Variants in BRSK2 observed in about 807,000 individuals in gnomAD.
BRSK2 encodes serine/threonine-protein kinase BRSK2.
Under a neutral mutation model 83.3 loss-of-function variants are expected in BRSK2, and 19 were observed. That is an observed-to-expected ratio of 0.23 (90% CI 0.16 to 0.33). BRSK2 has a LOEUF of 0.33. Among genes scored for constraint, BRSK2 ranks in the 10% least tolerant of loss-of-function variants. BRSK2 has a pLI of 1.00. For missense variants in BRSK2, 798 were observed against 1,042.3 expected (o/e 0.77, Z 3.23); for synonymous variants, 519 against 435.4 (o/e 1.19, Z -2.39).
chr11:1,392,493 G>A (rs900872278), intron 1 of BRSK2, among the ~76,000 whole-genome samples: 8 of 152,210 alleles, frequency 5.3e-5, no homozygotes, highest in Non-Finnish European at 8.8e-5. Flanking sequence ...GACCTTGGAA[G>A]GAGGAGCTGC....
At chr11:1,455,437 A>G (rs529649909) in intron 16 of BRSK2, among the ~76,000 whole-genome samples, 65 of 151,908 alleles carry the variant, frequency 4.3e-4, no homozygotes, top group Admixed American at 1.4e-3. Context: ...TCGCTTCGGC[A>G]GCCTCTCTAG....
At chr11:1,459,086 A>G in intron 18 of BRSK2, 106 bp from the exon 19 acceptor site, 2 of 657,328 alleles carry the variant, frequency 3.0e-6, no homozygotes, top group Non-Finnish European at 4.1e-6. Context: ...GGCCCTACCC[A>G]CTCCTGGCTC....
intron 19 of BRSK2, among the ~76,000 whole-genome samples, chr11:1,459,806 CCCAGCCTG>C: frequency 6.6e-6 from 1 of 152,306 alleles, no homozygotes; most frequent in East Asian, 1.9e-4. Context: ...CCCCCAGCCC[CCCAGCCTG>C]CCTCCCACAT....
At chr11:1,434,712 G>A (rs1161114182) in intron 1 of BRSK2, among the ~76,000 whole-genome samples, 3 of 134,292 alleles carry the variant, frequency 2.2e-5, no homozygotes, top group Admixed American at 1.4e-4. Flanking sequence ...TGGGGTCCCC[G>A]TGATAACCTG....
rs1850640093 is a variant in BRSK2, at chr11:1,438,473, G to A, written c.272+82G>A. ...GGGGTGGGTGTCTGGGGCTTGGGGA[G>A]CACAGGGGCTGGAGGCCAGGGGCGC... is the stretch of plus-strand genomic sequence containing the variant. On this transcript the variant is annotated intron_variant, in intron 3 of 19. Coordinates refer to ENST00000528841, the MANE Select transcript of BRSK2 (RefSeq NM_001256627.2). The surrounding 1 kb of genome is among the most constrained non-coding windows in gnomAD (Gnocchi z 6.4). 2 of 1,339,752 alleles carry A rather than the reference G, an allele frequency of 1.5e-6. No homozygotes were observed. The highest frequency in any genetic ancestry group is 1.1e-6 in the Non-Finnish European group (1 of 942,216). The allele number at this position is 1,339,752 out of a possible 1,614,324, so 83.0% of individuals were successfully genotyped here.
At chr11:1,460,387 T>G in intron 19 of BRSK2, 113 bp from the exon 20 acceptor site, 17 of 928,382 alleles carry the variant, frequency 1.8e-5, no homozygotes, top group Non-Finnish European at 1.9e-5. Flanking sequence ...GCCTCTTCGT[T>G]CATTTGTTTG....
chr11:1,456,129 G>A (rs1846500331), intron 16 of BRSK2, among the ~76,000 whole-genome samples: 1 of 152,160 alleles, frequency 6.6e-6, no homozygotes, highest in African/African-American at 2.4e-5. Context: ...GCTTAGCTGT[G>A]CCCGCTAAGT....
rs775667249 is a variant in BRSK2, at chr11:1,411,223, C to T, written c.91+20848C>T. The T allele has an allele frequency of 1.5e-4, 184 of 1,255,892 alleles. 1 individual carries two copies. The highest frequency in any genetic ancestry group is 1.2e-3 in the Admixed American group (30 of 24,618). The allele number at this position is 1,255,892 out of a possible 1,614,324, so 77.8% of individuals were successfully genotyped here. ...TGCTGAGGGGAGAGCGGGTTCTGGA[C>T]GTGCTCTGAGCTTCCTTCCTCACAG... On this transcript the variant is annotated intron_variant, in intron 1 of 19. Coordinates refer to ENST00000528841, the MANE Select transcript of BRSK2 (RefSeq NM_001256627.2).
chr11:1,413,210 C>T (rs1325276313), intron 1 of BRSK2, among the ~76,000 whole-genome samples: 1 of 152,114 alleles, frequency 6.6e-6, no homozygotes, highest in African/African-American at 2.4e-5. Context: ...TTCTGCCTCC[C>T]AGACGGCCCC....
At chr11:1,392,536 T>TCAGTGG (rs1160459655) in intron 1 of BRSK2, among the ~76,000 whole-genome samples, 1 of 152,076 alleles carries the variant, frequency 6.6e-6, no homozygotes. Flanking sequence ...AGGGAGGTGG[T>TCAGTGG]CAGTGGCAGT....
intron 1 of BRSK2, among the ~76,000 whole-genome samples, chr11:1,401,341 G>A (rs1041216438): frequency 3.9e-5 from 6 of 152,252 alleles, no homozygotes; most frequent in African/African-American, 1.4e-4. Context: ...CACGCCCGGG[G>A]TGCGGGTGCC....
In BRSK2 at chr11:1,390,182, C is replaced by T; in HGVS notation, c.-103C>T. 1.9e-6 allele frequency: 1 copy of T among 522,020 alleles called. No homozygotes were observed. The highest frequency in any genetic ancestry group is 7.8e-5 in the South Asian group (1 of 12,796). The allele number at this position is 522,020 out of a possible 1,614,324, so 32.3% of individuals were successfully genotyped here. On this transcript the variant is annotated 5_prime_UTR_variant, in exon 1 of 20. Transcript: ENST00000528841. This position sits in a 1 kb window ranked among gnomAD's most constrained non-coding sequence, Gnocchi z 6.8. ...AGCGGGGCCCGCGGGGGCGCCCCGG[C>T]CGGGTCGGCGCGGACGGCACTCGGC...
At chr11:1,459,298 G>C in intron 19 of BRSK2, 59 bp downstream of exon 19, 5 of 1,595,270 alleles carry the variant, frequency 3.1e-6, no homozygotes, top group South Asian at 1.1e-5. Context: ...CTCACCCTCA[G>C]CCCGCTGTGG....
At position 1,461,174 on chromosome 11, in the gene BRSK2, T is replaced by C. The variant is rs1216407985; in HGVS notation, c.*451T>C. 3 of 892,700 alleles carry C rather than the reference T, an allele frequency of 3.4e-6. No homozygotes were observed. Among genetic ancestry groups the C allele is most frequent in the Non-Finnish European group, 3.3e-6 (2 of 612,892 alleles). 55.3% of individuals were successfully genotyped at this position (892,700 alleles called of 1,614,324 possible). A position where few individuals can be genotyped will look rare whatever the true frequency, so the allele number is the denominator to read the frequency against. ...GAAGGCCAGGCTCGGGGGAGCCTCC[T>C]CCAGCCCGGCCGACCCGGACTCCCG... On this transcript the variant is annotated 3_prime_UTR_variant, in exon 20 of 20. Coordinates refer to ENST00000528841, the MANE Select transcript of BRSK2 (RefSeq NM_001256627.2).
At chr11:1,433,136 C>T (rs1057276809) in intron 1 of BRSK2, among the ~76,000 whole-genome samples, 1 of 96,622 alleles carries the variant, frequency 1.0e-5, no homozygotes, top group Admixed American at 1.0e-4. Flanking sequence ...GCGTCTTCTG[C>T]GGTCTGGTCA....
chr11:1,422,678 G>C (rs917271571), intron 1 of BRSK2, among the ~76,000 whole-genome samples: 4 of 152,184 alleles, frequency 2.6e-5, no homozygotes, highest in African/African-American at 9.7e-5. Flanking sequence ...TGTCCATGGT[G>C]CTGGAAGAGC....
At chr11:1,449,980 C>T (rs902740055) in intron 13 of BRSK2, 144 bp downstream of exon 13, 4 of 610,646 alleles carry the variant, frequency 6.6e-6, no homozygotes, top group South Asian at 6.0e-5. Context: ...GTGGCGGCTG[C>T]TGCTCTGTGG....
chr11:1,392,282 AG>A (rs1845775502), intron 1 of BRSK2, among the ~76,000 whole-genome samples: 1 of 152,196 alleles, frequency 6.6e-6, no homozygotes, highest in African/African-American at 2.4e-5. Flanking sequence ...GGAGAACGGG[AG>A]GCTGGGCTTC....
chr11:1,442,664 G>A (rs1456189644), intron 5 of BRSK2, 58 bp downstream of exon 5: 12 of 1,427,702 alleles, frequency 8.4e-6, no homozygotes, highest in South Asian at 4.6e-5. Context: ...GGGGGAAGAG[G>A]AGCCAGTGGA....
Sources: allele counts gnomAD v4.1 joint callset (sites outside exome capture counted in the v4.1 genomes callset), GRCh38; gene constraint gnomAD v4.1.1; non-coding constraint Gnocchi (gnomAD v3.1); transcripts MANE v1.5; gene names NCBI Gene and HGNC (gene_info 2026-07-23, HGNC 2026-07-21).